The following NDUFA10 variants were observed in gnomAD, a reference collection of about 807,000 sequenced individuals.
The protein encoded by NDUFA10 is NADH dehydrogenase [ubiquinone] 1 alpha subcomplex subunit 10, mitochondrial.
Under a neutral mutation model 47.8 loss-of-function variants are expected in NDUFA10, and 40 were observed. The ratio of observed to expected loss-of-function variants is 0.84; its 90% CI spans 0.65 to 1.09. The LOEUF (loss-of-function observed/expected upper bound fraction) is 1.09, where lower values mean the gene tolerates loss of function less well. NDUFA10 is among the 50% of genes least tolerant of loss of function. NDUFA10 has a pLI of 0.00. For synonymous variants in NDUFA10, 183 were observed against 172.2 expected (o/e 1.06, Z -0.49); for missense variants, 413 against 451.1 (o/e 0.92, Z 0.76).
At chr2:239,896,328 C>T (rs539990094) in intron 4 of NDUFA10, among the ~76,000 whole-genome samples, 4 of 152,338 alleles carry the variant, frequency 2.6e-5, no homozygotes, top group South Asian at 4.1e-4. Flanking sequence ...CAGACCTGGC[C>T]GAGCATTAAG....
chr2:240,017,649 T>C (rs1440219064), intron 4 of NDUFA10, among the ~76,000 whole-genome samples: 1 of 152,170 alleles, frequency 6.6e-6, no homozygotes, highest in Non-Finnish European at 1.5e-5. Context: ...CCAGAAACAC[T>C]TGCTGGTGAC....
rs752761328 is a variant in NDUFA10, at chr2:240,022,212, A to G, written c.204T>C (p.Thr68=). Residue 68 remains threonine, a synonymous_variant, in exon 2 of 10, where the codon ACT becomes ACC. Transcript: ENST00000252711. ...TTTCTTTTGCAAGTTTGCCTTTTCC[A>G]GTACATATATTGCCATCTACAGTTA... is the stretch of plus-strand genomic sequence containing the variant. ...RVITVDGNIC[T]GKGKLAKEIA... 3 of 1,614,158 alleles carry G rather than the reference A, an allele frequency of 1.9e-6. No individual in the cohort carries two copies. The highest frequency in any genetic ancestry group is 2.5e-6 in the Non-Finnish European group (3 of 1,180,004).
intron 5 of NDUFA10, among the ~76,000 whole-genome samples, chr2:239,894,626 G>A (rs1190332835): frequency 3.9e-5 from 6 of 152,090 alleles, no homozygotes; most frequent in Middle Eastern, 3.4e-3. Flanking sequence ...TCTCTGCCTT[G>A]TTGCTCTGTC....
At chr2:239,912,153 G>C (rs1430902372) in intron 4 of NDUFA10, among the ~76,000 whole-genome samples, 1 of 152,186 alleles carries the variant, frequency 6.6e-6, no homozygotes. Context: ...CCTCAGTCCT[G>C]AAGGAGGGTC....
intron 9 of NDUFA10, among the ~76,000 whole-genome samples, chr2:239,975,227 C>T (rs1330660650): frequency 6.6e-6 from 1 of 152,244 alleles, no homozygotes; most frequent in African/African-American, 2.4e-5. Flanking sequence ...TTCCCCTTTA[C>T]CGTCTACCAT....
chr2:239,937,242 A>G (rs965182333), intron 4 of NDUFA10, among the ~76,000 whole-genome samples: 4 of 152,220 alleles, frequency 2.6e-5, no homozygotes, highest in Admixed American at 2.0e-4. Flanking sequence ...ACCATAAAAT[A>G]CACCCATTTC....
intron 4 of NDUFA10, among the ~76,000 whole-genome samples, chr2:239,921,510 C>T (rs1191543233): frequency 1.3e-5 from 2 of 152,106 alleles, no homozygotes; most frequent in African/African-American, 4.8e-5. Context: ...TTTAGGATCC[C>T]TGCTGATTGG....
At chr2:240,006,315 G>A (rs183998171) in intron 7 of NDUFA10, among the ~76,000 whole-genome samples, 16 of 152,274 alleles carry the variant, frequency 1.1e-4, no homozygotes, top group African/African-American at 3.6e-4. Context: ...ATAAACCAAG[G>A]TCTCAAAAGA....
At chr2:239,978,567 G>A (rs1695627906) in intron 9 of NDUFA10, among the ~76,000 whole-genome samples, 1 of 152,190 alleles carries the variant, frequency 6.6e-6, no homozygotes, top group Non-Finnish European at 1.5e-5. Context: ...AGCCTACACA[G>A]GACACCAAGT....
chr2:239,982,328 T>A, intron 9 of NDUFA10: 1 of 1,438,920 alleles, frequency 6.9e-7, no homozygotes, highest in East Asian at 2.4e-5. Context: ...AAACCTGAAC[T>A]CTTTTCTAAA....
chr2:240,011,404 CAAGAT>C (rs1697131891), intron 6 of NDUFA10, among the ~76,000 whole-genome samples: 1 of 152,180 alleles, frequency 6.6e-6, no homozygotes, highest in South Asian at 2.1e-4. Context: ...AAAGTACTGA[CAAGAT>C]AAGCAAACCA....
At chr2:239,984,211 C>T (rs1466498965) in intron 9 of NDUFA10, among the ~76,000 whole-genome samples, 1 of 148,432 alleles carries the variant, frequency 6.7e-6, no homozygotes, top group Non-Finnish European at 1.5e-5. Context: ...CCAGCCTGGG[C>T]GATAGAGTGA....
At chr2:240,018,785 T>A (rs1697479624) in intron 3 of NDUFA10, 146 bp from the exon 4 acceptor site, 9 of 975,014 alleles carry the variant, frequency 9.2e-6, no homozygotes, top group Non-Finnish European at 1.4e-5. Context: ...ATAGACATAT[T>A]TGTAAGTGGG....
intron 4 of NDUFA10, among the ~76,000 whole-genome samples, chr2:239,916,894 A>G (rs1693889547): frequency 6.6e-6 from 1 of 152,256 alleles, no homozygotes; most frequent in African/African-American, 2.4e-5. Context: ...CCCTGGGGTC[A>G]GACTCAGACT....
intron 8 of NDUFA10, among the ~76,000 whole-genome samples, chr2:240,000,543 CTT>C (rs965301540): frequency 2.6e-5 from 4 of 151,908 alleles, no homozygotes; most frequent in Non-Finnish European, 5.9e-5. Context: ...AAGAAAAAAA[CTT>C]TTTATATAAA....
chr2:239,980,948 G>A (rs574754514), intron 9 of NDUFA10, among the ~76,000 whole-genome samples: 5 of 152,138 alleles, frequency 3.3e-5, no homozygotes, highest in South Asian at 2.1e-4. Context: ...CTGGGAATTC[G>A]TAACCAGAGC....
chr2:240,022,451 AC>A, intron 1 of NDUFA10, 111 bp from the exon 2 acceptor site: 1 of 1,458,064 alleles, frequency 6.9e-7, no homozygotes, highest in Non-Finnish European at 9.4e-7. Context: ...AAAAATGCCA[AC>A]ATCTACATCT....
intron 9 of NDUFA10, chr2:239,983,633 C>T (rs1530144): frequency 0.42 from 657,893 of 1,582,854 alleles, 138,926 homozygotes; most frequent in African/African-American, 0.48. Context: ...GTCAGGGCCA[C>T]GGTGCCAGGC....
chr2:240,024,688 T>C (rs1181833094), intron 1 of NDUFA10, among the ~76,000 whole-genome samples: 1 of 152,222 alleles, frequency 6.6e-6, no homozygotes, highest in Non-Finnish European at 1.5e-5. Context: ...AGGCAGAATG[T>C]GACAAAGCAA....
Sources: allele counts gnomAD v4.1 joint callset (sites outside exome capture counted in the v4.1 genomes callset), GRCh38; gene constraint gnomAD v4.1.1; transcripts MANE v1.5; gene names NCBI Gene and HGNC (gene_info 2026-07-23, HGNC 2026-07-21).